The following FRMD6 variants were observed in gnomAD, a reference collection of about 807,000 sequenced individuals.
The protein encoded by FRMD6 is FERM domain-containing protein 6.
FRMD6 carries 37 observed loss-of-function variants against 73.2 expected under a neutral mutation model. The ratio of observed to expected loss-of-function variants is 0.51; its 90% CI spans 0.39 to 0.66. FRMD6 has a LOEUF of 0.66. FRMD6 is among the 30% of genes least tolerant of loss of function. The pLI is 0.00. For synonymous variants in FRMD6, 273 were observed against 282.2 expected, an observed-to-expected ratio of 0.97 and a Z score of 0.33; for missense variants, 714 against 780.5, an observed-to-expected ratio of 0.91 and a Z score of 1.02.
At chr14:51,600,363 G>T (rs1310028950) in intron 2 of FRMD6, among the ~76,000 whole-genome samples, 4 of 152,194 alleles carry the variant, frequency 2.6e-5, no homozygotes, top group Non-Finnish European at 4.4e-5. Flanking sequence ...ATACTCCCTT[G>T]CAGTTGATTT....
At chr14:51,541,005 C>G (rs1218493405) in intron 1 of FRMD6, among the ~76,000 whole-genome samples, 1 of 152,052 alleles carries the variant, frequency 6.6e-6, no homozygotes, top group Non-Finnish European at 1.5e-5. Flanking sequence ...AACTTTCCTC[C>G]TATTTCAGAA....
the FRMD6 span, among the ~76,000 whole-genome samples, chr14:51,409,203 GCTT>G: frequency 1.3e-5 from 2 of 152,032 alleles, no homozygotes; most frequent in Non-Finnish European, 1.5e-5. Flanking sequence ...GCAGATCTGT[GCTT>G]CTTCTTCCTC....
chr14:51,409,340 C>CTTTTTTTTTTTTTTTTTTTTTTTT, the FRMD6 span, among the ~76,000 whole-genome samples: 2 of 84,142 alleles, frequency 2.4e-5, no homozygotes, highest in African/African-American at 4.8e-5. Context: ...AAGTTTTTTG[C>CTTTTTTTTTTTTTTTTTTTTTTTT]TTTTTTTTTT....
At chr14:51,603,752 G>A (rs1036684762) in intron 2 of FRMD6, among the ~76,000 whole-genome samples, 3 of 152,056 alleles carry the variant, frequency 2.0e-5, no homozygotes, top group Non-Finnish European at 2.9e-5. Flanking sequence ...TCAGTTTTCC[G>A]AGTTCTCAAA....
the FRMD6 span, among the ~76,000 whole-genome samples, chr14:51,457,941 G>T: frequency 6.6e-6 from 1 of 152,146 alleles, no homozygotes; most frequent in South Asian, 2.1e-4. Flanking sequence ...AATCCTGGTA[G>T]TAGAAGAGGA....
At chr14:51,585,923 A>ATGTGTGTG (rs144016037) in intron 2 of FRMD6, among the ~76,000 whole-genome samples, 3,611 of 37,038 alleles carry the variant, frequency 0.097, 770 homozygotes, top group South Asian at 0.2. Flanking sequence ...ATGCCATGGC[A>ATGTGTGTG]TGTGTGTGTG....
chr14:51,671,490 A>G (rs1467064130), intron 1 of FRMD6, among the ~76,000 whole-genome samples: 1 of 152,220 alleles, frequency 6.6e-6, no homozygotes, highest in Non-Finnish European at 1.5e-5. Flanking sequence ...TTGCACCGAA[A>G]TAAACTCATA....
intron 2 of FRMD6, among the ~76,000 whole-genome samples, chr14:51,583,289 G>C (rs1170094229): frequency 2.0e-5 from 3 of 152,198 alleles, no homozygotes; most frequent in Non-Finnish European, 4.4e-5. Context: ...ACTGTCTTCA[G>C]GTGTTTGTTT....
the FRMD6 span, among the ~76,000 whole-genome samples, chr14:51,468,227 C>G: frequency 6.9e-6 from 1 of 144,044 alleles, no homozygotes. Flanking sequence ...TTGCAGTGAG[C>G]GGAGATGGTG....
At chr14:51,429,424 A>T in the FRMD6 span, among the ~76,000 whole-genome samples, 1 of 151,506 alleles carries the variant, frequency 6.6e-6, no homozygotes, top group Non-Finnish European at 1.5e-5. Context: ...AGTCATGAAG[A>T]TTTTTTTTTG....
At chr14:51,604,064 T>C (rs772571553) in intron 2 of FRMD6, among the ~76,000 whole-genome samples, 2 of 151,570 alleles carry the variant, frequency 1.3e-5, no homozygotes, top group Non-Finnish European at 1.5e-5. Flanking sequence ...TAATGGAAAA[T>C]GGAGCAGTTC....
At position 51,621,915 on chromosome 14, in the gene FRMD6, C is replaced by T. The variant is rs141138521; in HGVS notation, c.-147+51505C>T. ...GAGGGGACCAGCATAAATAGGTGAC[C>T]ATATCATTTATCATGCAAACAAGGA... On this transcript the variant is annotated intron_variant, in intron 2 of 14. Transcript: ENST00000356218. Among the ~76,000 whole-genome samples the T allele has an allele frequency of 3.2e-3, 494 of 152,256 alleles. 2 individuals are homozygous for T. The highest frequency in any genetic ancestry group is 0.011 in the African/African-American group (475 of 41,554).
rs145308866 is a variant in FRMD6 at position 51,666,729 on chromosome 14, C to T, written c.-147+14733C>T. ...GAACTTAACTTGGCTGTTGTCATTGCGTTAGTGATAAACAAAATTATGATT... is the reference window on the plus strand; with the variant it reads ...GAACTTAACTTGGCTGTTGTCATTGTGTTAGTGATAAACAAAATTATGATT... On this transcript the variant is annotated intron_variant, in intron 1 of 13. Transcript: ENST00000344768. Among the ~76,000 whole-genome samples the T allele has an allele frequency of 2.7e-3, 414 of 152,088 alleles. 1 individual carries two copies. Among genetic ancestry groups the T allele is most frequent in the African/African-American group, 8.1e-3 (334 of 41,486 alleles).
intron 1 of FRMD6, among the ~76,000 whole-genome samples, chr14:51,549,084 A>G (rs1177936019): frequency 6.6e-6 from 1 of 152,172 alleles, no homozygotes; most frequent in Admixed American, 6.5e-5. Flanking sequence ...AGCAGGTGCA[A>G]TGCTGTTCCC....
chr14:51,529,372 C>T (rs1566795258), intron 1 of FRMD6, among the ~76,000 whole-genome samples: 1 of 152,154 alleles, frequency 6.6e-6, no homozygotes. Context: ...TAAATGAGCT[C>T]ATACATGTGA....
chr14:51,597,310 G>A (rs146064250), intron 2 of FRMD6, among the ~76,000 whole-genome samples: 1 of 152,212 alleles, frequency 6.6e-6, no homozygotes, highest in Non-Finnish European at 1.5e-5. Context: ...GAAGTACTTC[G>A]CTATTTCAGC....
rs970650510 is a variant in FRMD6 at position 51,639,202 on chromosome 14, G to C, written c.-146-50489G>C. Among the ~76,000 whole-genome samples the C allele has an allele frequency of 4.6e-5, 7 of 152,218 alleles. No homozygotes were observed. The South Asian group carries it at 8.3e-4, about 18-fold the overall frequency. On this transcript the variant is annotated intron_variant, in intron 2 of 14. Coordinates refer to the FRMD6 transcript ENST00000356218. ...TTACATCCCAGCACTTTGGGAGACTGAGGCGGGCGGATCACGAGGTCAGGA... is the reference window on the plus strand; with the variant it reads ...TTACATCCCAGCACTTTGGGAGACTCAGGCGGGCGGATCACGAGGTCAGGA...
rs530920452 is a variant in FRMD6, at chr14:51,682,774, G to A, written c.-146-6917G>A. Among the ~76,000 whole-genome samples the A allele has an allele frequency of 3.3e-5, 5 of 152,234 alleles. No homozygotes were observed. In the South Asian group the frequency reaches 8.3e-4, roughly 25 times the overall value. On this transcript the variant is annotated intron_variant, in intron 1 of 13. Transcript: ENST00000344768. ...GAAGAGCAGCTCTCTCCTTCCCAGC[G>A]TTTATATCACAAATTTCATGGAGGA...
At chr14:51,710,691 T>A (rs1464787693) in intron 7 of FRMD6, among the ~76,000 whole-genome samples, 1 of 152,190 alleles carries the variant, frequency 6.6e-6, no homozygotes, top group Non-Finnish European at 1.5e-5. Flanking sequence ...CTTAAAAAGA[T>A]CTCTGCATAC....
Sources: gnomAD v4.1 joint callset for allele counts (sites outside exome capture counted in the v4.1 genomes callset) on GRCh38, gnomAD v4.1.1 for gene constraint, MANE v1.5 for transcripts, NCBI Gene and HGNC (gene_info 2026-07-23, HGNC 2026-07-21) for gene names.